EXTL2: variants seen among roughly 807,000 people sequenced by gnomAD.
EXTL2 encodes the protein exostosin like glycosyltransferase 2.
A neutral mutation model predicts 30.7 loss-of-function variants in EXTL2; 23 were observed. The ratio of observed to expected loss-of-function variants is 0.75; its 90% CI spans 0.54 to 1.06. The LOEUF (loss-of-function observed/expected upper bound fraction) is 1.06. EXTL2 is among the 50% of genes least tolerant of loss of function. EXTL2 has a pLI of 0.00. For missense variants in EXTL2, 352 were observed against 396.3 expected (o/e 0.89, Z 0.95); for synonymous variants, 123 against 133.8 (o/e 0.92, Z 0.56).
At chr1:100,881,735 C>T (rs554101703) in intron 2 of EXTL2, among the ~76,000 whole-genome samples, 9 of 152,312 alleles carry the variant, frequency 5.9e-5, no homozygotes, top group Admixed American at 3.9e-4. Context: ...CAAGATTTCC[C>T]CCAATGATAT....
At chr1:100,883,618 TG>T (rs1421175530) in intron 2 of EXTL2, among the ~76,000 whole-genome samples, 2 of 152,218 alleles carry the variant, frequency 1.3e-5, no homozygotes, top group African/African-American at 4.8e-5. Flanking sequence ...TTCCATTCTA[TG>T]GATAGACCAC....
intron 2 of EXTL2, among the ~76,000 whole-genome samples, chr1:100,878,676 G>A (rs2100926789): frequency 6.6e-6 from 1 of 152,194 alleles, no homozygotes; most frequent in South Asian, 2.1e-4. Flanking sequence ...CAGATGAGAA[G>A]CCATTGGAGA....
At chr1:100,890,528 A>C (rs1650341550) in intron 1 of EXTL2, among the ~76,000 whole-genome samples, 1 of 152,200 alleles carries the variant, frequency 6.6e-6, no homozygotes, top group Non-Finnish European at 1.5e-5. Flanking sequence ...GTCAGGCTGC[A>C]AATTTTCCTG....
Position 100,873,826 on chromosome 1 carries a change from A to G in EXTL2, c.*116T>C. 2.7e-6 allele frequency: 3 copies of G among 1,093,608 alleles called. No individual in the cohort carries two copies. The highest frequency in any genetic ancestry group is 1.8e-5 in the South Asian group (1 of 55,438). The allele number at this position is 1,093,608 out of a possible 1,614,324, so 67.7% of individuals were successfully genotyped here. A position where few individuals can be genotyped will look rare whatever the true frequency, so the allele number is the denominator to read the frequency against. ...CTAGAAGCACTGCACTTTTTTTTCT[A>G]TTGTAGAGACTTCTGGAGTAGATAA... On this transcript the variant is annotated 3_prime_UTR_variant, in exon 5 of 5. Transcript: ENST00000370114.
At chr1:100,889,558 C>T (rs1418202573) in intron 1 of EXTL2, among the ~76,000 whole-genome samples, 1 of 152,168 alleles carries the variant, frequency 6.6e-6, no homozygotes. Flanking sequence ...AAGGCAAGTC[C>T]CTTCTGCTTA....
intron 1 of EXTL2, among the ~76,000 whole-genome samples, chr1:100,889,833 T>C (rs953979270): frequency 2.0e-5 from 3 of 152,242 alleles, no homozygotes; most frequent in African/African-American, 7.2e-5. Context: ...CTGTGGCTTT[T>C]CAGGGTACAG....
At chr1:100,889,550 G>A (rs1181514736) in intron 1 of EXTL2, among the ~76,000 whole-genome samples, 1 of 152,160 alleles carries the variant, frequency 6.6e-6, no homozygotes, top group Non-Finnish European at 1.5e-5. Flanking sequence ...TCCAAGGCAA[G>A]GCAAGTCCCT....
Position 100,874,356 on chromosome 1 carries a change from T to C in EXTL2, c.579A>G (p.Gly193=), listed in dbSNP as rs765659323. 1 of 1,612,782 alleles carries C rather than the reference T, an allele frequency of 6.2e-7. No homozygotes were observed. Among genetic ancestry groups the C allele is most frequent in the South Asian group, 1.1e-5 (1 of 91,018 alleles). ...VSTSSGIYSY[G]SFEMQAPGSG... The stretch of plus-strand genomic sequence containing the variant: ...ACCCTGGTGCTTGCATTTCAAAACT[T>C]CCATAACTGTAGATACCTGATGAAG... The change falls in exon 5 of 5, where the codon GGA becomes GGG. Residue 193 remains glycine, a synonymous_variant. Transcript: ENST00000370114.
intron 2 of EXTL2, among the ~76,000 whole-genome samples, chr1:100,881,217 G>GTACT (rs201339158): frequency 0.043 from 6,578 of 152,304 alleles, 449 homozygotes; most frequent in African/African-American, 0.15. Flanking sequence ...TGTAGTGCAA[G>GTACT]TGGCACACTG....
At chr1:100,892,459 G>A (rs1650507648) in intron 1 of EXTL2, among the ~76,000 whole-genome samples, 1 of 152,208 alleles carries the variant, frequency 6.6e-6, no homozygotes, top group East Asian at 1.9e-4. Context: ...AGGCGGCAGT[G>A]TCGGCTTCCC....
Position 100,873,336 on chromosome 1 carries a change from T to C in EXTL2, c.*606A>G, listed in dbSNP as rs935514906. On this transcript the variant is annotated 3_prime_UTR_variant, in exon 5 of 5. Coordinates refer to ENST00000370114, the MANE Select transcript of EXTL2 (RefSeq NM_001033025.3). The stretch of plus-strand genomic sequence containing the variant: ...GTTCTTCAGCTACTAAAATTAACTG[T>C]CCCAGTCACAAAAGACTTAACAAAA... The C allele has an allele frequency of 3.9e-5, 6 of 152,040 alleles. No individual in the cohort carries two copies. The highest frequency in any genetic ancestry group is 1.4e-4 in the African/African-American group (6 of 41,388). 9.4% of individuals were successfully genotyped at this position (152,040 alleles called of 1,614,324 possible).
chr1:100,880,719 A>G (rs1221034598), intron 2 of EXTL2, among the ~76,000 whole-genome samples: 1 of 152,210 alleles, frequency 6.6e-6, no homozygotes, highest in African/African-American at 2.4e-5. Flanking sequence ...ACTGGTTATA[A>G]GTACTGAGAA....
intron 2 of EXTL2, chr1:100,880,915 G>A (rs922069287): frequency 3.2e-6 from 3 of 943,448 alleles, no homozygotes; most frequent in African/African-American, 1.8e-5. Context: ...AATTACTATA[G>A]CTTACTATAA....
Position 100,873,751 on chromosome 1 carries a change from C to T in EXTL2, c.*191G>A, listed in dbSNP as rs188814460. Reference sequence around the variant, plus strand: ...GAAAACTCTTCATAAGAAGACCTAACTGGATAAGACCAACTTCTTGGCTTT... The same window carrying T: ...GAAAACTCTTCATAAGAAGACCTAATTGGATAAGACCAACTTCTTGGCTTT... On this transcript the variant is annotated 3_prime_UTR_variant, in exon 5 of 5. Coordinates refer to ENST00000370114, the MANE Select transcript of EXTL2 (RefSeq NM_001033025.3). 1.3e-5 allele frequency: 7 copies of T among 531,254 alleles called. No individual in the cohort carries two copies. The Admixed American group carries it at 2.3e-4, about 17-fold the overall frequency. 32.9% of individuals were successfully genotyped at this position (531,254 alleles called of 1,614,324 possible). A position where few individuals can be genotyped will look rare whatever the true frequency, so the allele number is the denominator to read the frequency against.
At chr1:100,882,446 G>A (rs953846753) in intron 2 of EXTL2, among the ~76,000 whole-genome samples, 4 of 152,208 alleles carry the variant, frequency 2.6e-5, no homozygotes, top group Non-Finnish European at 1.5e-5. Flanking sequence ...ATCATGATGA[G>A]GACTACTAGA....
chr1:100,881,064 G>A, intron 2 of EXTL2: 1 of 980,856 alleles, frequency 1.0e-6, no homozygotes, highest in Non-Finnish European at 1.2e-6. Flanking sequence ...GTATCAGAAA[G>A]GTTTCAGGAG....
In EXTL2 at chr1:100,873,098, G is replaced by GT. The variant is rs1403258994; in HGVS notation, c.*843dup. The GT allele has an allele frequency of 1.3e-5, 2 of 151,852 alleles. No homozygotes were observed. Among genetic ancestry groups the GT allele is most frequent in the South Asian group, 2.1e-4 (1 of 4,802 alleles). The allele number at this position is 151,852 out of a possible 1,614,324, so 9.4% of individuals were successfully genotyped here. ...GCCAGTTCTTACTCATTTTTTTCAGGTTTTTTATACATTTCTTAAACAACA... is the reference window on the plus strand; with the variant it reads ...GCCAGTTCTTACTCATTTTTTTCAGGTTTTTTTATACATTTCTTAAACAACA... On this transcript the variant is annotated 3_prime_UTR_variant, in exon 5 of 5. Coordinates refer to ENST00000370114, the MANE Select transcript of EXTL2 (RefSeq NM_001033025.3).
At chr1:100,876,759 T>A in intron 4 of EXTL2, 35 bp downstream of exon 4, 1 of 1,517,428 alleles carries the variant, frequency 6.6e-7, no homozygotes, top group Middle Eastern at 1.7e-4. Context: ...CAAGATCTTA[T>A]AAAGACGGTT....
rs1442938871 is a variant in EXTL2, at chr1:100,872,428, A to G, written c.*1514T>C. ...CTTTTATTTATCTGCTAGAGGAATC[A>G]TAAGAGGCAAAAAAGTACTACCAAT... On this transcript the variant is annotated 3_prime_UTR_variant, in exon 5 of 5. Transcript: ENST00000370114. 1 of 152,528 alleles carries G rather than the reference A, an allele frequency of 6.6e-6. No homozygotes were observed. Among genetic ancestry groups the G allele is most frequent in the African/African-American group, 2.4e-5 (1 of 41,434 alleles). 9.4% of individuals were successfully genotyped at this position (152,528 alleles called of 1,614,324 possible).
Sources: allele counts gnomAD v4.1 joint callset (sites outside exome capture counted in the v4.1 genomes callset), GRCh38; gene constraint gnomAD v4.1.1; transcripts MANE v1.5; gene names NCBI Gene and HGNC (gene_info 2026-07-23, HGNC 2026-07-21).